The following PCDHA5 variants were observed in gnomAD, a reference collection of about 807,000 sequenced individuals.
The protein encoded by PCDHA5 is protocadherin alpha 5.
A neutral mutation model predicts 61.6 loss-of-function variants in PCDHA5; 43 were observed. The ratio of observed to expected loss-of-function variants is 0.70; its 90% CI spans 0.55 to 0.90. The LOEUF (loss-of-function observed/expected upper bound fraction) is 0.90. Among genes scored for constraint, PCDHA5 ranks in the 40% least tolerant of loss-of-function variants. The pLI is 0.00. For missense variants in PCDHA5, 1,298 were observed against 1,222.7 expected (o/e 1.06, Z -0.92); for synonymous variants, 627 against 543.9 (o/e 1.15, Z -2.13).
chr5:140,972,072 T>C (rs1380413898), intron 1 of PCDHA5, among the ~76,000 whole-genome samples: 1 of 152,212 alleles, frequency 6.6e-6, no homozygotes, highest in Non-Finnish European at 1.5e-5. Flanking sequence ...ATTAACTGCT[T>C]TTGGAAAAAG....
intron 3 of PCDHA5, among the ~76,000 whole-genome samples, chr5:140,989,275 G>A (rs2097335515): frequency 6.6e-6 from 1 of 152,096 alleles, no homozygotes; most frequent in African/African-American, 2.4e-5. Context: ...TTTCTGCTGG[G>A]GACATCTCAG....
intron 1 of PCDHA5, chr5:140,834,199 G>A (rs1359433825): frequency 6.7e-6 from 4 of 595,280 alleles, no homozygotes; most frequent in African/African-American, 3.7e-5. Flanking sequence ...GCTCTTTACC[G>A]CAAATTCTTT....
chr5:140,927,011 C>T, intron 1 of PCDHA5: 1 of 1,612,606 alleles, frequency 6.2e-7, no homozygotes, highest in Non-Finnish European at 8.5e-7. Context: ...GGCAATCTCT[C>T]CGCGGACTTG....
intron 1 of PCDHA5, chr5:140,876,539 C>G: frequency 6.2e-7 from 1 of 1,614,170 alleles, no homozygotes; most frequent in Non-Finnish European, 8.5e-7. Flanking sequence ...ACTTCACTGT[C>G]GCTCCCTGTG....
At chr5:140,921,022 T>C (rs990627966) in intron 1 of PCDHA5, among the ~76,000 whole-genome samples, 6 of 152,094 alleles carry the variant, frequency 3.9e-5, no homozygotes, top group Admixed American at 6.6e-5. Context: ...CTATGTTTTC[T>C]AGACTGGGGT....
At chr5:140,857,849 G>A (rs782556733) in intron 1 of PCDHA5, 1 of 1,597,964 alleles carries the variant, frequency 6.3e-7, no homozygotes, top group South Asian at 1.1e-5. Flanking sequence ...CGCTGACTCT[G>A]GATACAACGC....
intron 1 of PCDHA5, chr5:140,842,268 A>C: frequency 6.2e-7 from 1 of 1,610,534 alleles, no homozygotes; most frequent in South Asian, 1.1e-5. Context: ...GAAAACTTAT[A>C]CAAAATCCTC....
At chr5:140,955,648 A>G (rs1554222007) in intron 1 of PCDHA5, among the ~76,000 whole-genome samples, 1 of 152,138 alleles carries the variant, frequency 6.6e-6, no homozygotes, top group East Asian at 1.9e-4. Flanking sequence ...ACAAATTAAT[A>G]CACATATGAA....
intron 1 of PCDHA5, among the ~76,000 whole-genome samples, chr5:140,915,602 C>T (rs1298727977): frequency 6.6e-6 from 1 of 151,066 alleles, no homozygotes; most frequent in Non-Finnish European, 1.5e-5. Context: ...TTTTCCCTTA[C>T]TTTCTGTCAA....
At chr5:140,828,526 T>C in intron 1 of PCDHA5, 4 of 1,614,226 alleles carry the variant, frequency 2.5e-6, no homozygotes, top group Non-Finnish European at 3.4e-6. Context: ...TTTACGAATC[T>C]AGGCTGCCAG....
intron 1 of PCDHA5, chr5:140,857,722 C>T (rs371525843): frequency 4.4e-6 from 7 of 1,597,318 alleles, no homozygotes; most frequent in African/African-American, 2.7e-5. Flanking sequence ...TGGACGAGAA[C>T]GACAACGCTC....
intron 1 of PCDHA5, among the ~76,000 whole-genome samples, chr5:140,952,338 CAAAA>C (rs55931446): frequency 9.9e-4 from 134 of 134,976 alleles, no homozygotes; most frequent in Admixed American, 2.2e-3. Context: ...AACTCCATCT[CAAAA>C]AAAAAAAAAA....
chr5:140,951,933 A>T (rs2094659165), intron 1 of PCDHA5, among the ~76,000 whole-genome samples: 1 of 152,164 alleles, frequency 6.6e-6, no homozygotes, highest in African/African-American at 2.4e-5. Context: ...TACTCCCAAG[A>T]TACAGTGCGG....
chr5:140,883,109 T>A (rs782237873), intron 1 of PCDHA5: 1 of 1,613,962 alleles, frequency 6.2e-7, no homozygotes, highest in Non-Finnish European at 8.5e-7. Context: ...AGTTTACTCA[T>A]TTAGAAGGCC....
At chr5:140,903,609 A>G (rs565435427) in intron 1 of PCDHA5, among the ~76,000 whole-genome samples, 2 of 152,360 alleles carry the variant, frequency 1.3e-5, no homozygotes, top group Admixed American at 6.5e-5. Flanking sequence ...CTTAATACAC[A>G]TGAATGTGCA....
chr5:140,843,740 C>G (rs782492231), intron 1 of PCDHA5: 1 of 1,536,514 alleles, frequency 6.5e-7, no homozygotes, highest in Non-Finnish European at 8.9e-7. Flanking sequence ...ATTTAGAACT[C>G]ATAAATTCTA....
intron 1 of PCDHA5, among the ~76,000 whole-genome samples, chr5:140,898,521 AGGG>A (rs1583310812): frequency 6.6e-6 from 1 of 152,252 alleles, no homozygotes; most frequent in East Asian, 1.9e-4. Context: ...GTTATTTCTG[AGGG>A]CTCTGTTCTG....
intron 1 of PCDHA5, among the ~76,000 whole-genome samples, chr5:140,920,853 A>C (rs375783359): frequency 1.3e-5 from 2 of 152,062 alleles, no homozygotes; most frequent in African/African-American, 4.8e-5. Flanking sequence ...AAAAAAAAAA[A>C]AAAAACAAAC....
Position 140,821,900 on chromosome 5 carries a change from C to G in PCDHA5, c.125C>G (p.Thr42Ser), listed in dbSNP as rs2150111777. 5 of 1,614,206 alleles carry G rather than the reference C, an allele frequency of 3.1e-6. No individual in the cohort carries two copies. Among genetic ancestry groups the G allele is most frequent in the African/African-American group, 1.3e-5 (1 of 75,068 alleles). ...YSIPEEAKHG[T>S]FVGRIAQDLG... ...ATCCCGGAGGAAGCCAAACACGGAACCTTCGTTGGCCGCATCGCGCAGGAC... is the reference window on the plus strand; with the variant it reads ...ATCCCGGAGGAAGCCAAACACGGAAGCTTCGTTGGCCGCATCGCGCAGGAC... The change falls in exon 1 of 4, where the codon ACC (threonine) becomes AGC (serine). Residue 42 changes from threonine (T) to serine (S), a missense_variant. Transcript: ENST00000529859.
Sources: gnomAD v4.1 joint callset for allele counts (sites outside exome capture counted in the v4.1 genomes callset) on GRCh38, gnomAD v4.1.1 for gene constraint, MANE v1.5 for transcripts, NCBI Gene and HGNC (gene_info 2026-07-23, HGNC 2026-07-21) for gene names.